The following ATXN1 variants were observed in gnomAD, a reference collection of about 807,000 sequenced individuals.
ATXN1 encodes the protein ataxin 1.
A neutral mutation model predicts 56.4 loss-of-function variants in ATXN1; 8 were observed. The observed-to-expected ratio is 0.14, with a 90% CI of 0.08 to 0.26. The LOEUF (loss-of-function observed/expected upper bound fraction) is 0.26. Ranked by LOEUF, ATXN1 falls within the 10% of genes least tolerant of loss-of-function variation. The probability of loss-of-function intolerance (pLI) is 1.00; values close to 1 mark genes in which losing one functional copy is unlikely to be tolerated. For synonymous variants in ATXN1, 514 were observed against 494.6 expected (o/e 1.04, Z -0.52); for missense variants, 987 against 1,106.5 (o/e 0.89, Z 1.53).
intron 6 of ATXN1, among the ~76,000 whole-genome samples, chr6:16,341,429 G>T (rs181433565): frequency 6.6e-6 from 1 of 151,890 alleles, no homozygotes; most frequent in Non-Finnish European, 1.5e-5. Context: ...AGAATCCCTA[G>T]ATGTTGGGAC....
intron 3 of ATXN1, among the ~76,000 whole-genome samples, chr6:16,613,114 A>T (rs1350385218): frequency 6.9e-6 from 1 of 145,462 alleles, no homozygotes; most frequent in Non-Finnish European, 1.5e-5. Context: ...AAATACAAAA[A>T]ATTAGCCGGG....
chr6:16,600,616 G>A lies in ATXN1; in HGVS notation c.-488-14709C>T, dbSNP rs1010049725. On this transcript the variant is annotated intron_variant, in intron 3 of 7. Transcript: ENST00000436367. ...TCAAGATTCGTGAGGATTTGGTAACGAAATTCCTTAAGGACAGCAAATTAA... is the reference window on the plus strand; with the variant it reads ...TCAAGATTCGTGAGGATTTGGTAACAAAATTCCTTAAGGACAGCAAATTAA... Among the ~76,000 whole-genome samples the A allele has an allele frequency of 1.2e-4, 18 of 152,286 alleles. 1 individual carries two copies. In the South Asian group the frequency reaches 1.7e-3, roughly 14 times the overall value.
chr6:16,732,300 G>T (rs1760007301), intron 2 of ATXN1, among the ~76,000 whole-genome samples: 1 of 152,154 alleles, frequency 6.6e-6, no homozygotes, highest in African/African-American at 2.4e-5. Context: ...GCCGGGTGTG[G>T]TGGCTCACGC....
intron 6 of ATXN1, among the ~76,000 whole-genome samples, chr6:16,422,072 C>T (rs1759048806): frequency 6.6e-6 from 1 of 151,566 alleles, no homozygotes; most frequent in South Asian, 2.1e-4. Context: ...TGCCTCTGTG[C>T]TAAGAAGAAT....
rs532571119 is a variant in ATXN1, at chr6:16,486,004, C to T, written c.-193G>A. On this transcript the variant is annotated 5_prime_UTR_variant, in exon 6 of 8. Coordinates refer to ENST00000436367, the MANE Select transcript of ATXN1 (RefSeq NM_001128164.2). The stretch of plus-strand genomic sequence containing the variant: ...ACTGCGTACTGTTCACAGGTAGCCT[C>T]AGCCTATACTTCACCATGGAGACTT... 1.7e-4 allele frequency: 26 copies of T among 152,280 alleles called. No individual in the cohort carries two copies. The highest frequency in any genetic ancestry group is 6.3e-4 in the African/African-American group (26 of 41,552). 9.4% of individuals were successfully genotyped at this position (152,280 alleles called of 1,614,324 possible).
At chr6:16,425,007 A>C (rs1759120420) in intron 6 of ATXN1, among the ~76,000 whole-genome samples, 1 of 152,228 alleles carries the variant, frequency 6.6e-6, no homozygotes, top group South Asian at 2.1e-4. Flanking sequence ...ACCTTTGCAG[A>C]CTATTCCCTA....
intron 6 of ATXN1, among the ~76,000 whole-genome samples, chr6:16,427,678 T>C (rs1041199219): frequency 2.0e-5 from 3 of 152,204 alleles, no homozygotes; most frequent in African/African-American, 7.2e-5. Flanking sequence ...TTTCAGGTGT[T>C]GAGCTCTAGA....
chr6:16,725,529 A>G (rs1759830043), intron 2 of ATXN1, among the ~76,000 whole-genome samples: 1 of 152,240 alleles, frequency 6.6e-6, no homozygotes, highest in Admixed American at 6.5e-5. Context: ...AGCTAAATCC[A>G]GTTTTTGAAT....
At chr6:16,400,742 A>G (rs1758549690) in intron 6 of ATXN1, among the ~76,000 whole-genome samples, 1 of 152,224 alleles carries the variant, frequency 6.6e-6, no homozygotes. Flanking sequence ...ATGAGCTTAC[A>G]GTCTAAAAGA....
At chr6:16,347,119 C>T (rs1761426914) in intron 6 of ATXN1, among the ~76,000 whole-genome samples, 1 of 152,244 alleles carries the variant, frequency 6.6e-6, no homozygotes, top group African/African-American at 2.4e-5. Flanking sequence ...CTGAACCTCC[C>T]CCTGCCCCTC....
intron 2 of ATXN1, among the ~76,000 whole-genome samples, chr6:16,696,481 A>G (rs534642595): frequency 6.6e-6 from 1 of 152,342 alleles, no homozygotes; most frequent in African/African-American, 2.4e-5. Context: ...ACATTTTACA[A>G]TGATTTCTGC....
intron 3 of ATXN1, among the ~76,000 whole-genome samples, chr6:16,637,711 C>T (rs1763625350): frequency 6.6e-6 from 1 of 152,102 alleles, no homozygotes; most frequent in Admixed American, 6.6e-5. Context: ...GGACAAGAAG[C>T]TATATAGTTC....
At chr6:16,678,260 T>C (rs1235419441) in intron 2 of ATXN1, among the ~76,000 whole-genome samples, 1 of 55,862 alleles carries the variant, frequency 1.8e-5, no homozygotes, top group East Asian at 3.5e-4. Context: ...TGGATATCTA[T>C]TTTAATTCTT....
rs753249607 is a variant in ATXN1 at position 16,327,194 on chromosome 6, G to T, written c.1117C>A (p.Arg373Ser). The T allele has an allele frequency of 6.2e-7, 1 of 1,613,972 alleles. No individual in the cohort carries two copies. Among genetic ancestry groups the T allele is most frequent in the Admixed American group, 1.7e-5 (1 of 60,032 alleles). Residue 373 changes from arginine (R) to serine (S), a missense_variant, in exon 7 of 8, where the codon CGT (arginine) becomes AGT (serine). This residue lies in a region of ATXN1 where 723 missense variants were observed against 791.7 expected (regional missense o/e 0.91). Coordinates refer to ENST00000436367, the MANE Select transcript of ATXN1 (RefSeq NM_001128164.2). ...GAGGCCCGGACCCCCGAAGGATCAC[G>T]ACTGCTGTAGTCTGAGGGGCTCGGG... The part of the protein sequence containing the change: ...VHPSPSDYSS[R>S]DPSGVRASVM...
At chr6:16,396,821 A>C (rs1371874706) in intron 6 of ATXN1, among the ~76,000 whole-genome samples, 2 of 152,160 alleles carry the variant, frequency 1.3e-5, no homozygotes, top group East Asian at 3.8e-4. Flanking sequence ...TACCTATTCT[A>C]TGTCTAGATG....
chr6:16,722,539 A>G (rs1159116781), intron 2 of ATXN1, among the ~76,000 whole-genome samples: 1 of 152,204 alleles, frequency 6.6e-6, no homozygotes, highest in Non-Finnish European at 1.5e-5. Flanking sequence ...AACTGATTCC[A>G]TACACTGAAC....
intron 4 of ATXN1, among the ~76,000 whole-genome samples, chr6:16,561,504 C>G (rs1762118465): frequency 6.6e-6 from 1 of 152,164 alleles, no homozygotes; most frequent in African/African-American, 2.4e-5. Flanking sequence ...ATTTAGCAAA[C>G]ATTGACACAA....
chr6:16,617,773 A>AAAAAAAAG (rs10689647), intron 3 of ATXN1, among the ~76,000 whole-genome samples: 30,853 of 146,642 alleles, frequency 0.21, 4,376 homozygotes, highest in African/African-American at 0.32. Flanking sequence ...TCTCAAAAAA[A>AAAAAAAAG]AAAAAAAAAG....
At chr6:16,466,013 A>C (rs748462120) in intron 6 of ATXN1, among the ~76,000 whole-genome samples, 23 of 152,138 alleles carry the variant, frequency 1.5e-4, no homozygotes, top group Non-Finnish European at 2.8e-4. Flanking sequence ...AAGAGGAATA[A>C]CTTCTTAAAA....
Sources: gnomAD v4.1 joint callset for allele counts (sites outside exome capture counted in the v4.1 genomes callset) on GRCh38, gnomAD v4.1.1 for gene constraint, gnomAD v4.1.1 regional missense constraint, MANE v1.5 for transcripts, NCBI Gene and HGNC (gene_info 2026-07-23, HGNC 2026-07-21) for gene names.